The following MAP9 variants were observed in gnomAD, a reference collection of about 807,000 sequenced individuals.
The protein encoded by MAP9 is microtubule-associated protein 9.
Under a neutral mutation model 75.2 loss-of-function variants are expected in MAP9, and 80 were observed. The observed-to-expected ratio is 1.06, with a 90% confidence interval of 0.89 to 1.28. The LOEUF is 1.28. Ranked by LOEUF, MAP9 falls within the 50% of genes most tolerant of loss-of-function variation. The pLI is 0.00. For missense variants in MAP9, 753 were observed against 719.9 expected, an observed-to-expected ratio of 1.05 and a Z score of -0.53; for synonymous variants, 235 against 237.3, an observed-to-expected ratio of 0.99 and a Z score of 0.09.
intron 13 of MAP9, 66 bp from the exon 14 acceptor site, chr4:155,347,971 C>A: frequency 9.7e-7 from 1 of 1,029,020 alleles, no homozygotes; most frequent in Non-Finnish European, 1.4e-6. Context: ...AATCAGGTTG[C>A]TTGCTGAAGA....
At chr4:155,361,081 T>G (rs1020456511) in intron 6 of MAP9, 1 of 152,090 alleles carries the variant, frequency 6.6e-6, no homozygotes, top group Non-Finnish European at 1.5e-5. Context: ...CATTTTGGAA[T>G]GGGATCACCA....
intron 10 of MAP9, among the ~76,000 whole-genome samples, 156 bp downstream of exon 10, chr4:155,354,915 A>C (rs1314221144): frequency 6.6e-6 from 1 of 152,206 alleles, no homozygotes; most frequent in Non-Finnish European, 1.5e-5. Context: ...ATCAAACTAA[A>C]ATGTATAAAG....
chr4:155,376,550 G>C (rs183789776), intron 1 of MAP9: 1 of 152,436 alleles, frequency 6.6e-6, no homozygotes, highest in Non-Finnish European at 1.5e-5. Flanking sequence ...CCCGGGTTCC[G>C]TTCCCTACCA....
intron 5 of MAP9, among the ~76,000 whole-genome samples, chr4:155,365,625 T>C (rs995474187): frequency 3.4e-4 from 52 of 152,054 alleles, no homozygotes; most frequent in African/African-American, 1.1e-3. Context: ...ATAATAATAA[T>C]AATTTTTAAA....
At chr4:155,371,538 A>G (rs1285603552) in intron 4 of MAP9, among the ~76,000 whole-genome samples, 1 of 151,882 alleles carries the variant, frequency 6.6e-6, no homozygotes, top group East Asian at 1.9e-4. Flanking sequence ...AAAAATGCCT[A>G]TACTTTAAGA....
chr4:155,368,890 T>C, intron 4 of MAP9, 78 bp from the exon 5 acceptor site: 1 of 1,159,712 alleles, frequency 8.6e-7, no homozygotes, highest in Non-Finnish European at 1.2e-6. Context: ...GCTACCATAC[T>C]TCCCTCCTGT....
chr4:155,360,403 T>C lies in MAP9; in HGVS notation c.815A>G (p.Glu272Gly). 4 of 1,610,398 alleles carry C rather than the reference T, an allele frequency of 2.5e-6. No homozygotes were observed. The highest frequency in any genetic ancestry group is 3.4e-6 in the Non-Finnish European group (4 of 1,178,244). ...GNASGKDPNE[E>G]ITENHNSLKS... ...CAAGGAATTATGGTTTTCAGTGATT[T>C]CTTCATTTGGATCTATTTTGAGACA... Residue 272 changes from glutamate (E) to glycine (G), a missense_variant, in exon 7 of 14, where the codon GAA becomes GGA. Transcript: ENST00000311277.
At chr4:155,357,819 T>C (rs1731871034) in intron 7 of MAP9, among the ~76,000 whole-genome samples, 1 of 152,088 alleles carries the variant, frequency 6.6e-6, no homozygotes, top group African/African-American at 2.4e-5. Flanking sequence ...CAGGGAAGGC[T>C]GTCCTGAGGG....
At chr4:155,368,852 G>T in intron 4 of MAP9, 40 bp from the exon 5 acceptor site, 1 of 1,515,864 alleles carries the variant, frequency 6.6e-7, no homozygotes, top group South Asian at 1.2e-5. Context: ...ATAAAAAAAT[G>T]ACCATGGCTT....
chr4:155,354,563 A>C (rs1040916210), intron 10 of MAP9, among the ~76,000 whole-genome samples: 4 of 148,884 alleles, frequency 2.7e-5, no homozygotes, highest in African/African-American at 1.0e-4. Flanking sequence ...TCCCGGGTTC[A>C]AGTGATCCTG....
rs1160750303 is a variant in MAP9 at position 155,350,223 on chromosome 4, CA to C, written c.1822-2319del. The C allele has an allele frequency of 8.9e-6, 4 of 451,910 alleles. No individual in the cohort carries two copies. In the Admixed American group the frequency reaches 9.5e-5, roughly 11 times the overall value. 28.0% of individuals were successfully genotyped at this position (451,910 alleles called of 1,614,324 possible). On this transcript the variant is annotated intron_variant, in intron 13 of 13. Coordinates refer to ENST00000311277, the MANE Select transcript of MAP9 (RefSeq NM_001039580.2). ...AAGTCATTAGACTCCTATACAGGGGCAATTTTTCTATTCTATCTGCAAACAA... is the reference window on the plus strand; with the variant it reads ...AAGTCATTAGACTCCTATACAGGGGCATTTTTCTATTCTATCTGCAAACAA...
intron 8 of MAP9, among the ~76,000 whole-genome samples, chr4:155,356,636 G>A (rs1053130085): frequency 3.3e-5 from 5 of 152,054 alleles, no homozygotes; most frequent in Non-Finnish European, 5.9e-5. Context: ...GGGATTGGTG[G>A]GAAAATTTGG....
At chr4:155,353,449 A>T (rs1020883507) in intron 10 of MAP9, 109 bp from the exon 11 acceptor site, 20 of 881,486 alleles carry the variant, frequency 2.3e-5, no homozygotes, top group Non-Finnish European at 2.9e-5. Context: ...TAGTCCTCTG[A>T]TATTCATTAT....
intron 9 of MAP9, 109 bp downstream of exon 9, chr4:155,355,607 T>C: frequency 1.3e-6 from 1 of 782,070 alleles, no homozygotes; most frequent in Non-Finnish European, 1.9e-6. Flanking sequence ...CTCAATAAAT[T>C]TAAGTATTAA....
chr4:155,349,837 A>C (rs12508947), intron 13 of MAP9: 3 of 153,426 alleles, frequency 2.0e-5, no homozygotes, highest in African/African-American at 7.2e-5. Flanking sequence ...ACTTAACATG[A>C]GGGGGCAGTA....
intron 8 of MAP9, 61 bp from the exon 9 acceptor site, chr4:155,355,945 C>G: frequency 7.1e-7 from 1 of 1,416,310 alleles, no homozygotes; most frequent in Non-Finnish European, 9.8e-7. Context: ...GAAGAGAGAT[C>G]TGTTAGAATA....
Position 155,362,150 on chromosome 4 carries a change from G to T in MAP9, c.709-9C>A. Reference sequence around the variant, plus strand: ...CTTGTTAAGCATGAATCCTGTTTTCGCAAAAAAAAATACATTTGCCACATA... The same window carrying T: ...CTTGTTAAGCATGAATCCTGTTTTCTCAAAAAAAAATACATTTGCCACATA... On this transcript the variant is annotated splice_polypyrimidine_tract_variant and intron_variant, in intron 5 of 13. Transcript: ENST00000311277. The T allele has an allele frequency of 6.6e-7, 1 of 1,506,512 alleles. No individual in the cohort carries two copies. Among genetic ancestry groups the T allele is most frequent in the Non-Finnish European group, 8.9e-7 (1 of 1,117,884 alleles). The allele number at this position is 1,506,512 out of a possible 1,614,324, so 93.3% of individuals were successfully genotyped here.
chr4:155,355,966 A>G, intron 8 of MAP9, 82 bp from the exon 9 acceptor site: 2 of 1,270,984 alleles, frequency 1.6e-6, no homozygotes, highest in African/African-American at 1.5e-5. Flanking sequence ...TGCACGTATA[A>G]TATTTGAAAA....
intron 13 of MAP9, chr4:155,350,913 C>T (rs539881483): frequency 6.6e-6 from 1 of 151,986 alleles, no homozygotes; most frequent in African/African-American, 2.4e-5. Context: ...CTACAATTTT[C>T]TTTATGTTGG....
Sources: gnomAD v4.1 joint callset for allele counts (sites outside exome capture counted in the v4.1 genomes callset) on GRCh38, gnomAD v4.1.1 for gene constraint, MANE v1.5 for transcripts, NCBI Gene and HGNC (gene_info 2026-07-23, HGNC 2026-07-21) for gene names.